Variants in DMGDH observed in about 807,000 individuals in gnomAD.
DMGDH encodes dimethylglycine dehydrogenase, also known as dimethylglycine dehydrogenase, mitochondrial.
DMGDH carries 76 observed loss-of-function variants against 95.2 expected under a neutral mutation model. The observed-to-expected ratio is 0.80, with a 90% CI of 0.66 to 0.97. The LOEUF (loss-of-function observed/expected upper bound fraction) is 0.97, where lower values mean the gene tolerates loss of function less well. Among genes scored for constraint, DMGDH ranks in the 50% least tolerant of loss-of-function variants. The probability of loss-of-function intolerance (pLI) is 0.00; values close to 1 mark genes in which losing one functional copy is unlikely to be tolerated. For missense variants in DMGDH, 987 were observed against 1,055.0 expected (o/e 0.94, Z 0.89); for synonymous variants, 345 against 377.6 (o/e 0.91, Z 1.00).
At chr5:79,043,687 T>A (rs938116557) in intron 6 of DMGDH, among the ~76,000 whole-genome samples, 3 of 152,238 alleles carry the variant, frequency 2.0e-5, no homozygotes, top group African/African-American at 7.2e-5. Context: ...GATGACCCAA[T>A]CTTCAATCTG....
intron 14 of DMGDH, among the ~76,000 whole-genome samples, chr5:79,009,884 G>C (rs1438508788): frequency 6.6e-6 from 1 of 152,092 alleles, no homozygotes; most frequent in Non-Finnish European, 1.5e-5. Context: ...GTGTCTGAAG[G>C]TTAATGCTGT....
At chr5:79,028,683 T>C (rs1303733999) in intron 11 of DMGDH, 33 bp from the exon 12 acceptor site, 1 of 1,601,888 alleles carries the variant, frequency 6.2e-7, no homozygotes. Context: ...GTGTTAAATA[T>C]TGCTTGAATA....
chr5:79,060,916 CAA>C lies in DMGDH; in HGVS notation c.276+2695_276+2696del, dbSNP rs59948927. On this transcript the variant is annotated intron_variant, in intron 2 of 15. Coordinates refer to ENST00000255189, the MANE Select transcript of DMGDH (RefSeq NM_013391.3). ...CTGGCAACAGAGTGAGACTCTGTCT[CAA>C]AAAAAAAAAAAAAATCAATGCGGCC... Among the ~76,000 whole-genome samples, 738 of 103,402 alleles carry C rather than the reference CAA, an allele frequency of 7.1e-3. 4 individuals carry two copies. Among genetic ancestry groups the C allele is most frequent in the African/African-American group, 0.023 (640 of 28,422 alleles). The allele number at this position is 103,402 out of a possible 152,430, so 67.8% of individuals were successfully genotyped here.
intron 4 of DMGDH, among the ~76,000 whole-genome samples, chr5:79,053,030 A>G (rs1754913585): frequency 6.6e-6 from 1 of 152,228 alleles, no homozygotes; most frequent in Admixed American, 6.5e-5. Context: ...CATGGGTTTA[A>G]ATCTCTACTC....
chr5:79,014,067 A>G lies in DMGDH; in HGVS notation c.2251-8660T>C, dbSNP rs73771380. The stretch of plus-strand genomic sequence containing the variant: ...AAAGCACTCATATAGCATTTTTCTA[A>G]CCAAAATTACTGACCAGTTAAAATT... On this transcript the variant is annotated intron_variant, in intron 14 of 15. Transcript: ENST00000255189. Among the ~76,000 whole-genome samples, 751 of 152,330 alleles carry G rather than the reference A, an allele frequency of 4.9e-3. 7 individuals carry two copies. The highest frequency in any genetic ancestry group is 0.018 in the African/African-American group (729 of 41,564).
intron 14 of DMGDH, among the ~76,000 whole-genome samples, chr5:79,016,280 C>T (rs1753733299): frequency 6.6e-6 from 1 of 151,440 alleles, no homozygotes. Flanking sequence ...AAAAAGATAT[C>T]CAAATTAGAA....
chr5:79,003,562 C>T (rs562983270), intron 15 of DMGDH, among the ~76,000 whole-genome samples: 4 of 152,244 alleles, frequency 2.6e-5, no homozygotes, highest in East Asian at 1.9e-4. Flanking sequence ...TACAGACAGG[C>T]GAAGGCACTT....
rs773725904 is a variant in DMGDH, at chr5:79,055,870, C to T, written c.315G>A (p.Leu105=). ...TGATGCTATCATAATGTATTTTCTT[C>T]AAGTTTATTCCAGGATGAAAGTAAG... ...LTTYFHPGIN[L]KKIHYDSIKL... The change falls in exon 3 of 16, where the codon TTG becomes TTA. Residue 105 remains leucine (L), a synonymous_variant. Coordinates refer to ENST00000255189, the MANE Select transcript of DMGDH (RefSeq NM_013391.3). 37 of 1,612,192 alleles carry T rather than the reference C, an allele frequency of 2.3e-5. No homozygotes were observed. Among genetic ancestry groups the T allele is most frequent in the Non-Finnish European group, 3.1e-5 (37 of 1,178,466 alleles).
intron 11 of DMGDH, 45 bp downstream of exon 11, chr5:79,029,859 C>A (rs1265279796): frequency 1.3e-6 from 2 of 1,597,426 alleles, no homozygotes; most frequent in Admixed American, 1.7e-5. Flanking sequence ...AAGATTGAGT[C>A]AATATATAAT....
At chr5:79,051,136 G>T in intron 5 of DMGDH, 151 bp downstream of exon 5, 1 of 857,620 alleles carries the variant, frequency 1.2e-6, no homozygotes, top group Non-Finnish European at 1.9e-6. Flanking sequence ...GTGATAGAGG[G>T]AGGGCTTTGT....
intron 15 of DMGDH, among the ~76,000 whole-genome samples, chr5:79,003,373 C>T (rs1580180876): frequency 6.6e-6 from 1 of 152,064 alleles, no homozygotes; most frequent in Non-Finnish European, 1.5e-5. Context: ...AAGTATAAAT[C>T]ATGTGAATTG....
At chr5:79,011,548 A>C (rs1171132719) in intron 14 of DMGDH, among the ~76,000 whole-genome samples, 1 of 152,232 alleles carries the variant, frequency 6.6e-6, no homozygotes, top group Non-Finnish European at 1.5e-5. Context: ...CATTGCTATA[A>C]AGAAATACCT....
At chr5:79,005,114 A>G (rs1000533380) in intron 15 of DMGDH, among the ~76,000 whole-genome samples, 159 bp downstream of exon 15, 4 of 152,206 alleles carry the variant, frequency 2.6e-5, no homozygotes, top group Admixed American at 2.0e-4. Flanking sequence ...CTTTCAGTCA[A>G]TTGCGTTCTG....
At chr5:79,066,349 G>A (rs972814042) in intron 1 of DMGDH, among the ~76,000 whole-genome samples, 9 of 151,678 alleles carry the variant, frequency 5.9e-5, no homozygotes, top group African/African-American at 1.2e-4. Flanking sequence ...GCAGTGGCAC[G>A]ATCTCGGCTC....
intron 3 of DMGDH, among the ~76,000 whole-genome samples, 179 bp from the exon 4 acceptor site, chr5:79,054,527 A>C (rs1754965211): frequency 6.6e-6 from 1 of 152,232 alleles, no homozygotes. Context: ...TACCATATTT[A>C]CTAAGTGCCT....
rs144264803 is a variant in DMGDH at position 79,051,076 on chromosome 5, T to A, written c.745+211A>T. ...ATGCAGAATGGAGAAAATAAGCAAC[T>A]TTTTTTGGATAACCAAGGACAGAGT... On this transcript the variant is annotated intron_variant, in intron 5 of 15. Transcript: ENST00000255189. 4.7e-3 allele frequency among the ~76,000 whole-genome samples: 722 copies of A among 152,030 alleles called. 20 individuals carry two copies. The highest frequency in any genetic ancestry group is 0.03 in the Admixed American group (461 of 15,288).
intron 12 of DMGDH, among the ~76,000 whole-genome samples, chr5:79,026,863 C>T (rs1392208723): frequency 6.6e-6 from 1 of 152,160 alleles, no homozygotes; most frequent in African/African-American, 2.4e-5. Context: ...AATTAATCTC[C>T]ACCCTGGACC....
At chr5:79,065,661 A>G (rs11743856) in intron 1 of DMGDH, among the ~76,000 whole-genome samples, 1 of 152,208 alleles carries the variant, frequency 6.6e-6, no homozygotes, top group African/African-American at 2.4e-5. Context: ...AAATACATAA[A>G]CCAGTAGCAC....
At chr5:79,014,147 G>A (rs981893834) in intron 14 of DMGDH, among the ~76,000 whole-genome samples, 2 of 152,138 alleles carry the variant, frequency 1.3e-5, no homozygotes, top group African/African-American at 2.4e-5. Flanking sequence ...ACTAAAAAAG[G>A]GGGATAAAAT....
Sources: allele counts gnomAD v4.1 joint callset (sites outside exome capture counted in the v4.1 genomes callset), GRCh38; gene constraint gnomAD v4.1.1; transcripts MANE v1.5; gene names NCBI Gene and HGNC (gene_info 2026-07-23, HGNC 2026-07-21).